CRYZL1: variants seen among roughly 807,000 people sequenced by gnomAD.
CRYZL1 encodes the protein crystallin zeta like 1.
CRYZL1 carries 34 observed loss-of-function variants against 50.6 expected under a neutral mutation model. The observed-to-expected ratio is 0.67, with a 90% CI of 0.51 to 0.89. The LOEUF (loss-of-function observed/expected upper bound fraction) is 0.89, where lower values mean the gene tolerates loss of function less well. Among genes scored for constraint, CRYZL1 ranks in the 40% least tolerant of loss-of-function variants. The probability of loss-of-function intolerance (pLI) is 0.00; values close to 1 mark genes in which losing one functional copy is unlikely to be tolerated. For synonymous variants in CRYZL1, 125 were observed against 134.3 expected, an observed-to-expected ratio of 0.93 and a Z score of 0.48; for missense variants, 354 against 402.3, an observed-to-expected ratio of 0.88 and a Z score of 1.03.
intron 1 of CRYZL1, among the ~76,000 whole-genome samples, chr21:33,639,413 T>TATATA (rs1568802806): frequency 6.6e-6 from 1 of 152,244 alleles, no homozygotes; most frequent in Non-Finnish European, 1.5e-5. Context: ...ATTGTACTAC[T>TATATA]GGGGAACAAG....
intron 5 of CRYZL1, among the ~76,000 whole-genome samples, chr21:33,615,187 T>C (rs1315059156): frequency 1.4e-5 from 2 of 147,804 alleles, no homozygotes; most frequent in Admixed American, 1.4e-4. Flanking sequence ...AAGGTCTCCC[T>C]CTGTCACCAG....
At chr21:33,600,668 C>T (rs952707276) in intron 8 of CRYZL1, among the ~76,000 whole-genome samples, 2 of 151,188 alleles carry the variant, frequency 1.3e-5, no homozygotes, top group African/African-American at 4.9e-5. Flanking sequence ...CTCTGTCACC[C>T]AGTCTGGAGT....
intron 11 of CRYZL1, among the ~76,000 whole-genome samples, chr21:33,592,165 CA>C (rs1333517927): frequency 7.6e-6 from 1 of 131,316 alleles, no homozygotes; most frequent in Non-Finnish European, 1.6e-5. Context: ...TTTTTTGAGA[CA>C]GGGGCCCCCT....
chr21:33,631,079 T>C (rs1433345835), intron 2 of CRYZL1, among the ~76,000 whole-genome samples: 2 of 152,216 alleles, frequency 1.3e-5, no homozygotes, highest in African/African-American at 4.8e-5. Context: ...TGGTGTTCTA[T>C]TGTACAGCAA....
At chr21:33,638,074 A>G in intron 1 of CRYZL1, among the ~76,000 whole-genome samples, 1 of 152,134 alleles carries the variant, frequency 6.6e-6, no homozygotes, top group East Asian at 1.9e-4. Context: ...ACATATTCAC[A>G]CATTGGAAAA....
intron 2 of CRYZL1, among the ~76,000 whole-genome samples, chr21:33,630,539 T>A (rs1051605958): frequency 6.6e-6 from 1 of 150,966 alleles, no homozygotes; most frequent in African/African-American, 2.4e-5. Flanking sequence ...TGAGGTGGGA[T>A]GGCACCACTG....
intron 3 of CRYZL1, among the ~76,000 whole-genome samples, chr21:33,623,628 A>G (rs2087026985): frequency 6.6e-6 from 1 of 152,208 alleles, no homozygotes; most frequent in Non-Finnish European, 1.5e-5. Flanking sequence ...GCCCAGTGAA[A>G]GCCTATACCT....
intron 1 of CRYZL1, among the ~76,000 whole-genome samples, chr21:33,632,265 T>G (rs57229712): frequency 1 from 151,996 of 151,996 alleles, 75,998 homozygotes; most frequent in Non-Finnish European, 1. Flanking sequence ...CTGGGAAGCA[T>G]AGGTTGCGGT....
At position 33,603,551 on chromosome 21, in the gene CRYZL1, C is replaced by G. The variant is rs1023717013; in HGVS notation, c.332-14G>C. 1 of 1,613,574 alleles carries G rather than the reference C, an allele frequency of 6.2e-7. No individual in the cohort carries two copies. On this transcript the variant is annotated splice_polypyrimidine_tract_variant and intron_variant, in intron 6 of 12. Coordinates refer to ENST00000381554, the MANE Select transcript of CRYZL1 (RefSeq NM_145858.3). ...CTGGTTTATGAACTATCATAAAGAA[C>G]AAGAAGAAACAATCTGTTAGCAAGT... is the stretch of plus-strand genomic sequence containing the variant.
intron 6 of CRYZL1, among the ~76,000 whole-genome samples, chr21:33,604,274 T>C (rs1359971706): frequency 6.9e-6 from 1 of 144,678 alleles, no homozygotes; most frequent in Admixed American, 7.3e-5. Context: ...GAGAATGGTG[T>C]GAACCCGGGA....
chr21:33,596,083 G>A (rs1448331554), intron 10 of CRYZL1: 12 of 575,354 alleles, frequency 2.1e-5, no homozygotes, highest in Non-Finnish European at 3.6e-5. Flanking sequence ...AGTGGTAGGG[G>A]TGTGTGTGTG....
At chr21:33,616,527 G>C in intron 5 of CRYZL1, 179 bp downstream of exon 5, 1 of 1,292,692 alleles carries the variant, frequency 7.7e-7, no homozygotes, top group South Asian at 1.3e-5. Context: ...CCCGACCTCA[G>C]GTGATTCGCC....
rs554431440 is a variant in CRYZL1, at chr21:33,592,116, T to TA, written c.905-910dup. Reference sequence around the variant, plus strand: ...GTTATGCTATTTTTTTTGTTTTTTTTATTGTCGTATTATTACTTTTTCAGA... The same window carrying TA: ...GTTATGCTATTTTTTTTGTTTTTTTTAATTGTCGTATTATTACTTTTTCAGA... On this transcript the variant is annotated intron_variant, in intron 11 of 12. Coordinates refer to ENST00000381554, the MANE Select transcript of CRYZL1 (RefSeq NM_145858.3). Among the ~76,000 whole-genome samples, 23 of 151,960 alleles carry TA rather than the reference T, an allele frequency of 1.5e-4. 1 individual carries two copies. The East Asian group carries it at 4.4e-3, about 29-fold the overall frequency.
chr21:33,621,574 C>T (rs971540889), intron 4 of CRYZL1, among the ~76,000 whole-genome samples: 1 of 151,978 alleles, frequency 6.6e-6, no homozygotes, highest in African/African-American at 2.4e-5. Context: ...ATCTCCTGAC[C>T]TTGTGATCCG....
At chr21:33,630,484 G>A (rs978236548) in intron 2 of CRYZL1, among the ~76,000 whole-genome samples, 3 of 152,072 alleles carry the variant, frequency 2.0e-5, no homozygotes, top group African/African-American at 7.2e-5. Context: ...TACTCAGGAG[G>A]CTGAGGTAGG....
chr21:33,616,662 G>T, intron 5 of CRYZL1, 44 bp downstream of exon 5: 2 of 1,602,144 alleles, frequency 1.2e-6, no homozygotes, highest in South Asian at 1.1e-5. Flanking sequence ...CAGAGATGAC[G>T]GTAAAATAGA....
intron 6 of CRYZL1, among the ~76,000 whole-genome samples, chr21:33,605,527 A>ATTATTTTTTTTTTTTTTTTTTTTTT (rs1555904645): frequency 2.7e-4 from 4 of 14,838 alleles, no homozygotes; most frequent in African/African-American, 8.2e-4. Context: ...CAGTACAAGA[A>ATTATTTTTTTTTTTTTTTTTTTTTT]TTCTTTTTTT....
intron 11 of CRYZL1, 41 bp from the exon 12 acceptor site, chr21:33,591,248 TTAAA>T: frequency 6.5e-7 from 1 of 1,544,848 alleles, no homozygotes; most frequent in Non-Finnish European, 8.9e-7. Flanking sequence ...TAAAGGAGAA[TTAAA>T]TAAAACCATT....
chr21:33,597,148 G>T, intron 10 of CRYZL1, 132 bp downstream of exon 10: 4 of 851,598 alleles, frequency 4.7e-6, no homozygotes, highest in Non-Finnish European at 5.6e-6. Flanking sequence ...GGACTCATAG[G>T]TGTGAGCCAC....
Sources: gnomAD v4.1 joint callset for allele counts (sites outside exome capture counted in the v4.1 genomes callset) on GRCh38, gnomAD v4.1.1 for gene constraint, MANE v1.5 for transcripts, NCBI Gene and HGNC (gene_info 2026-07-23, HGNC 2026-07-21) for gene names.